ZC3H15: variants seen among roughly 807,000 people sequenced by gnomAD.
The protein encoded by ZC3H15 is zinc finger CCCH-type containing 15.
A neutral mutation model predicts 51.2 loss-of-function variants in ZC3H15; 15 were observed. That is an observed-to-expected ratio of 0.29 (90% CI 0.20 to 0.45). The LOEUF is 0.45. ZC3H15 is among the 20% of genes least tolerant of loss of function. ZC3H15 has a pLI of 1.00. For synonymous variants in ZC3H15, 144 were observed against 162.8 expected, an observed-to-expected ratio of 0.88 and a Z score of 0.88; for missense variants, 381 against 494.7, an observed-to-expected ratio of 0.77 and a Z score of 2.18.
Position 186,505,809 on chromosome 2 carries a change from A to G in ZC3H15, c.934A>G (p.Thr312Ala), listed in dbSNP as rs1381789276. The change falls in exon 8 of 10, where the codon ACC (threonine) becomes GCC (alanine). Residue 312 changes from threonine (T) to alanine (A), a missense_variant. By Grantham distance (58) the Thr-to-Ala change is moderately conservative. Around this residue, in one of 3 missense-constraint regions of ZC3H15, gnomAD observed 215 missense variants for 241.8 expected, o/e 0.89. Transcript: ENST00000337859. Reference protein sequence around the residue: ...VNDDDEEADDTRYTQGTGGDE... With the variant: ...VNDDDEEADDARYTQGTGGDE... ...TGATGATGATGAGGAAGCAGATGAT[A>G]CCCGCTACACCCAGGGAACAGGTGG... 1.2e-6 allele frequency: 2 copies of G among 1,614,048 alleles called. No individual in the cohort carries two copies. Among genetic ancestry groups the G allele is most frequent in the Admixed American group, 1.7e-5 (1 of 59,998 alleles).
intron 1 of ZC3H15, among the ~76,000 whole-genome samples, chr2:186,494,190 T>C (rs531424497): frequency 5.9e-5 from 9 of 152,260 alleles, no homozygotes; most frequent in African/African-American, 9.6e-5. Flanking sequence ...ATAGCTGCTG[T>C]TATATTGAAT....
At chr2:186,506,636 C>T in intron 8 of ZC3H15, 77 bp from the exon 9 acceptor site, 1 of 1,485,090 alleles carries the variant, frequency 6.7e-7, no homozygotes, top group Non-Finnish European at 9.1e-7. Context: ...ATAATTTTGG[C>T]TCATTAAGAT....
intron 5 of ZC3H15, among the ~76,000 whole-genome samples, chr2:186,503,019 T>G (rs1685412027): frequency 6.6e-6 from 1 of 152,204 alleles, no homozygotes; most frequent in South Asian, 2.1e-4. Context: ...AAATGAATTT[T>G]TGGTAGGTAG....
Position 186,501,047 on chromosome 2 carries a change from C to A in ZC3H15, c.290-226C>A, listed in dbSNP as rs80337336. ...ATAGCCTATGTTCTTGTTTGGTTTC[C>A]CACTCTCTGCCACCTTTCATAGTCA... On this transcript the variant is annotated intron_variant, in intron 3 of 9. Transcript: ENST00000337859. 1.8e-3 allele frequency among the ~76,000 whole-genome samples: 274 copies of A among 152,176 alleles called. No homozygotes were observed. The East Asian group carries it at 0.024, about 13-fold the overall frequency.
chr2:186,506,106 G>A (rs1293648256), intron 8 of ZC3H15: 3 of 519,924 alleles, frequency 5.8e-6, no homozygotes, highest in Non-Finnish European at 1.1e-5. Flanking sequence ...GTATGTGGTT[G>A]AGTGCTATAT....
chr2:186,503,264 T>C (rs1164781025), intron 5 of ZC3H15, among the ~76,000 whole-genome samples: 1 of 152,248 alleles, frequency 6.6e-6, no homozygotes, highest in Admixed American at 6.5e-5. Flanking sequence ...TTGTATCTTC[T>C]ATCCATGTTG....
At position 186,505,963 on chromosome 2, in the gene ZC3H15, C is replaced by G. The variant is rs748123156; in HGVS notation, c.966+122C>G. The G allele has an allele frequency of 1.7e-5, 16 of 969,188 alleles. No individual in the cohort carries two copies. In the Admixed American group the frequency reaches 3.0e-4, roughly 18 times the overall value. 60.0% of individuals were successfully genotyped at this position (969,188 alleles called of 1,614,324 possible). A position where few individuals can be genotyped will look rare whatever the true frequency, so the allele number is the denominator to read the frequency against. ...AGTGCCTGGGTTCAAATCCTTACTCCAACCATGGGAAATTAATCTAGGCCT... is the reference window on the plus strand; with the variant it reads ...AGTGCCTGGGTTCAAATCCTTACTCGAACCATGGGAAATTAATCTAGGCCT... On this transcript the variant is annotated intron_variant, in intron 8 of 9. Transcript: ENST00000337859.
intron 1 of ZC3H15, among the ~76,000 whole-genome samples, chr2:186,493,731 T>G (rs571423548): frequency 1.3e-4 from 19 of 151,994 alleles, no homozygotes; most frequent in African/African-American, 4.1e-4. Context: ...TTCCTTGCCT[T>G]GTCCTAGTTT....
rs551999720 is a variant in ZC3H15 at position 186,495,997 on chromosome 2, A to G, written c.177+663A>G. On this transcript the variant is annotated intron_variant, in intron 2 of 9. Coordinates refer to ENST00000337859, the MANE Select transcript of ZC3H15 (RefSeq NM_018471.3). ...TTTATTGGTTGTCTTTTTCTTGTCA[A>G]TTTATGAGATACCTTTTGTCTGCAT... 2.6e-5 allele frequency among the ~76,000 whole-genome samples: 4 copies of G among 152,200 alleles called. No homozygotes were observed. The East Asian group carries it at 5.8e-4, about 22-fold the overall frequency.
At position 186,502,476 on chromosome 2, in the gene ZC3H15, A is replaced by G. The variant is rs1685401929; in HGVS notation, c.443-20A>G. 2 of 1,584,364 alleles carry G rather than the reference A, an allele frequency of 1.3e-6. No homozygotes were observed. Among genetic ancestry groups the G allele is most frequent in the Non-Finnish European group, 8.6e-7 (1 of 1,158,672 alleles). On this transcript the variant is annotated intron_variant, in intron 4 of 9. Coordinates refer to ENST00000337859, the MANE Select transcript of ZC3H15 (RefSeq NM_018471.3). Reference sequence around the variant, plus strand: ...GTAGTAGATAAGATTACAGTATTTAATCTTCATTTCTTTATTTAGATACTA... The same window carrying G: ...GTAGTAGATAAGATTACAGTATTTAGTCTTCATTTCTTTATTTAGATACTA...
intron 1 of ZC3H15, among the ~76,000 whole-genome samples, chr2:186,491,129 G>A (rs745998247): frequency 6.6e-6 from 1 of 152,158 alleles, no homozygotes; most frequent in South Asian, 2.1e-4. Flanking sequence ...GATCTGCAGT[G>A]TGATATTTAG....
At position 186,508,998 on chromosome 2, in the gene ZC3H15, A is replaced by C. The variant is rs1161304114; in HGVS notation, c.*265A>C. ...GATTGATGTTGTAACTGTCCACCCA[A>C]GTAAGAAGTGTATCTGCCTTTCCAT... On this transcript the variant is annotated 3_prime_UTR_variant, in exon 10 of 10. Transcript: ENST00000337859. 8.9e-6 allele frequency: 5 copies of C among 561,826 alleles called. No individual in the cohort carries two copies. The highest frequency in any genetic ancestry group is 6.1e-5 in the South Asian group (4 of 65,206). 34.8% of individuals were successfully genotyped at this position (561,826 alleles called of 1,614,324 possible).
In ZC3H15 at chr2:186,508,594, G is replaced by GT. The variant is rs763133593; in HGVS notation, c.1143dup (p.Asp382Ter). On this transcript the variant is annotated frameshift_variant, in exon 10 of 10. Transcript: ENST00000337859. LOFTEE classifies it high-confidence loss of function. ...GGTAGGGCTGAAAATGGTGAAAGAAGTGACTTGGAAGAGGACAACGAGAGG... is the reference window on the plus strand; with the variant it reads ...GGTAGGGCTGAAAATGGTGAAAGAAGTTGACTTGGAAGAGGACAACGAGAGG... The GT allele has an allele frequency of 6.2e-7, 1 of 1,614,078 alleles. No homozygotes were observed. Among genetic ancestry groups the GT allele is most frequent in the Non-Finnish European group, 8.5e-7 (1 of 1,179,982 alleles).
At chr2:186,500,484 A>G in intron 3 of ZC3H15, 191 bp downstream of exon 3, 2 of 657,082 alleles carry the variant, frequency 3.0e-6, no homozygotes, top group East Asian at 5.8e-5. Flanking sequence ...GTGTCATTGT[A>G]CAGCTGAACT....
intron 2 of ZC3H15, chr2:186,499,741 C>T (rs550264657): frequency 1.7e-4 from 62 of 365,590 alleles, no homozygotes; most frequent in African/African-American, 1.3e-3. Context: ...CCTACATTGA[C>T]CTAACCCAGT....
intron 3 of ZC3H15, among the ~76,000 whole-genome samples, 179 bp downstream of exon 3, chr2:186,500,472 C>T (rs1294374059): frequency 1.3e-5 from 2 of 152,206 alleles, no homozygotes; most frequent in African/African-American, 4.8e-5. Context: ...ATGTTCACAT[C>T]TGTGTCATTG....
chr2:186,487,867 C>G (rs1038948743), intron 1 of ZC3H15, among the ~76,000 whole-genome samples: 3 of 152,112 alleles, frequency 2.0e-5, no homozygotes, highest in Non-Finnish European at 4.4e-5. Flanking sequence ...TTCTCTATAT[C>G]TAATTGTTTT....
intron 8 of ZC3H15, 196 bp downstream of exon 8, chr2:186,506,037 G>C: frequency 1.5e-6 from 1 of 688,366 alleles, no homozygotes; most frequent in South Asian, 1.5e-5. Context: ...ATCATAGTTT[G>C]TGAGAATTAA....
chr2:186,494,801 C>T (rs942481537), intron 1 of ZC3H15, among the ~76,000 whole-genome samples: 1 of 152,040 alleles, frequency 6.6e-6, no homozygotes, highest in Non-Finnish European at 1.5e-5. Flanking sequence ...AGGGGAACAT[C>T]ACACACCGGG....
Sources: gnomAD v4.1 joint callset for allele counts (sites outside exome capture counted in the v4.1 genomes callset) on GRCh38, gnomAD v4.1.1 for gene constraint, gnomAD v4.1.1 regional missense constraint, MANE v1.5 for transcripts, NCBI Gene and HGNC (gene_info 2026-07-23, HGNC 2026-07-21) for gene names.